Variants in TMEM182 observed in about 807,000 individuals in gnomAD.
TMEM182 encodes transmembrane protein 182.
A neutral mutation model predicts 26.8 loss-of-function variants in TMEM182; 20 were observed. That is an observed-to-expected ratio of 0.75 (90% CI 0.53 to 1.09). The LOEUF (loss-of-function observed/expected upper bound fraction) is 1.09. Among genes scored for constraint, TMEM182 ranks in the 50% least tolerant of loss-of-function variants. The pLI, the probability that TMEM182 is intolerant of heterozygous loss-of-function variation, is 0.00. For missense variants in TMEM182, 277 were observed against 275.5 expected (o/e 1.01, Z -0.04); for synonymous variants, 109 against 102.2 (o/e 1.07, Z -0.40).
At chr2:102,776,499 A>T (rs1680922686) in intron 3 of TMEM182, among the ~76,000 whole-genome samples, 1 of 151,984 alleles carries the variant, frequency 6.6e-6, no homozygotes, top group South Asian at 2.1e-4. Context: ...ATGATAGTTC[A>T]TTTCTTTATT....
At chr2:102,842,599 A>G (rs796580183) in intron 3 of TMEM182, among the ~76,000 whole-genome samples, 1 of 152,192 alleles carries the variant, frequency 6.6e-6, no homozygotes, top group East Asian at 1.9e-4. Context: ...TCCCTGTCAC[A>G]TACATCTCTG....
At chr2:102,780,113 G>A (rs1007197620) in intron 3 of TMEM182, among the ~76,000 whole-genome samples, 1 of 147,970 alleles carries the variant, frequency 6.8e-6, no homozygotes, top group African/African-American at 2.5e-5. Context: ...CATCATCTCT[G>A]ACATCTCAGC....
intron 1 of TMEM182, among the ~76,000 whole-genome samples, chr2:102,755,739 C>G (rs547295183): frequency 6.6e-6 from 1 of 152,142 alleles, no homozygotes; most frequent in Admixed American, 6.5e-5. Context: ...GCCAATGTCC[C>G]CAGTAACGTC....
intron 4 of TMEM182, among the ~76,000 whole-genome samples, chr2:102,809,511 A>G (rs528836188): frequency 1.2e-4 from 18 of 152,230 alleles, no homozygotes; most frequent in African/African-American, 4.1e-4. Flanking sequence ...CTCCACCTAG[A>G]AAAGTAACCT....
At chr2:102,834,118 G>A (rs1683197848) in intron 3 of TMEM182, among the ~76,000 whole-genome samples, 1 of 152,108 alleles carries the variant, frequency 6.6e-6, no homozygotes, top group African/African-American at 2.4e-5. Flanking sequence ...TCATTGGGTG[G>A]GCTTGCATTT....
intron 1 of TMEM182, among the ~76,000 whole-genome samples, chr2:102,750,731 G>A (rs1021727998): frequency 4.6e-5 from 7 of 152,206 alleles, no homozygotes; most frequent in African/African-American, 1.7e-4. Flanking sequence ...TTTGGAAACA[G>A]TGGTTTGGCA....
chr2:102,774,977 T>C (rs907200281), intron 3 of TMEM182, among the ~76,000 whole-genome samples: 7 of 152,242 alleles, frequency 4.6e-5, no homozygotes, highest in African/African-American at 9.6e-5. Context: ...TATTTGACTT[T>C]ATAAATTTGA....
At position 102,815,835 on chromosome 2, in the gene TMEM182, T is replaced by A. The variant is rs879757275; in HGVS notation, c.*867T>A. The A allele has an allele frequency of 3.3e-6, 3 of 911,434 alleles. No individual in the cohort carries two copies. Among genetic ancestry groups the A allele is most frequent in the Admixed American group, 6.2e-5 (1 of 16,148 alleles). The allele number at this position is 911,434 out of a possible 1,614,324, so 56.5% of individuals were successfully genotyped here. A position where few individuals can be genotyped will look rare whatever the true frequency, so the allele number is the denominator to read the frequency against. ...CTATCATTCAGCATGTGAAAATTTA[T>A]TGATAAAATGTGATTTTAATATTTT... On this transcript the variant is annotated 3_prime_UTR_variant, in exon 5 of 5. Transcript: ENST00000412401.
At chr2:102,743,252 T>C (rs1373981841) in intron 1 of TMEM182, among the ~76,000 whole-genome samples, 1 of 152,160 alleles carries the variant, frequency 6.6e-6, no homozygotes, top group Non-Finnish European at 1.5e-5. Flanking sequence ...TCGCAAACTC[T>C]AGGGCAACCA....
chr2:102,772,613 A>G (rs555856298), intron 3 of TMEM182, among the ~76,000 whole-genome samples: 67 of 150,872 alleles, frequency 4.4e-4, no homozygotes, highest in African/African-American at 1.5e-3. Context: ...TAAGGGTTCT[A>G]TGGGGGTACA....
At chr2:102,807,222 G>T (rs1337163216) in intron 4 of TMEM182, among the ~76,000 whole-genome samples, 1 of 152,184 alleles carries the variant, frequency 6.6e-6, no homozygotes, top group Non-Finnish European at 1.5e-5. Flanking sequence ...AAAGGGAAGA[G>T]GGAATTATTG....
exon 1 of TMEM182, chr2:102,736,963 C>G: frequency 2.3e-6 from 2 of 859,726 alleles, no homozygotes; most frequent in Non-Finnish European, 3.4e-6. Context: ...CCGGTGCTGG[C>G]TGGGAGTTCT....
intron 3 of TMEM182, among the ~76,000 whole-genome samples, chr2:102,779,112 A>AT (rs754276344): frequency 2.6e-5 from 4 of 151,394 alleles, no homozygotes; most frequent in South Asian, 4.2e-4. Context: ...GGGGTTAACA[A>AT]TTTTTTTTTC....
chr2:102,829,146 A>G (rs1683100385), intron 3 of TMEM182, among the ~76,000 whole-genome samples: 1 of 152,206 alleles, frequency 6.6e-6, no homozygotes, highest in African/African-American at 2.4e-5. Flanking sequence ...GGCTGAGGTT[A>G]TGGAGTAGCT....
Position 102,762,070 on chromosome 2 carries a change from A to T in TMEM182, c.-148A>T. 1.5e-6 allele frequency: 1 copy of T among 668,466 alleles called. No individual in the cohort carries two copies. The highest frequency in any genetic ancestry group is 2.4e-6 in the Non-Finnish European group (1 of 416,376). The allele number at this position is 668,466 out of a possible 1,614,324, so 41.4% of individuals were successfully genotyped here. ...GGCGTGAGCGAGAAGCCACCAAAAC[A>T]TGAGCTAGGACAGCCTTCTCAAGAA... On this transcript the variant is annotated 5_prime_UTR_variant, in exon 1 of 5. The change abolishes an upstream ATG in the 5' untranslated region. Transcript: ENST00000412401.
At chr2:102,801,377 A>G (rs562737710) in intron 4 of TMEM182, among the ~76,000 whole-genome samples, 1 of 152,274 alleles carries the variant, frequency 6.6e-6, no homozygotes, top group East Asian at 1.9e-4. Context: ...ACACACTTCA[A>G]AAAGGGGGTG....
At chr2:102,779,229 C>G (rs1053931201) in intron 3 of TMEM182, among the ~76,000 whole-genome samples, 3 of 152,024 alleles carry the variant, frequency 2.0e-5, no homozygotes, top group African/African-American at 7.2e-5. Context: ...AGGTGTTGTT[C>G]CTCCATCCCT....
intron 3 of TMEM182, among the ~76,000 whole-genome samples, chr2:102,794,383 A>T (rs905945120): frequency 6.6e-6 from 1 of 152,256 alleles, no homozygotes; most frequent in Non-Finnish European, 1.5e-5. Flanking sequence ...TTACATGGAT[A>T]TTAATCATTT....
At chr2:102,775,010 A>T (rs1461886067) in intron 3 of TMEM182, 1 of 152,242 alleles carries the variant, frequency 6.6e-6, no homozygotes, top group Non-Finnish European at 1.5e-5. Context: ...CTATATATCT[A>T]CAAAAAATCT....
Sources: allele counts gnomAD v4.1 joint callset (sites outside exome capture counted in the v4.1 genomes callset), GRCh38; gene constraint gnomAD v4.1.1; transcripts MANE v1.5; gene names NCBI Gene and HGNC (gene_info 2026-07-23, HGNC 2026-07-21).